Variants in DAGLB observed in about 807,000 individuals in gnomAD.
The protein encoded by DAGLB is diacylglycerol lipase-beta.
Under a neutral mutation model 72.1 loss-of-function variants are expected in DAGLB, and 66 were observed. The ratio of observed to expected loss-of-function variants is 0.92; its 90% CI spans 0.75 to 1.12. DAGLB has a LOEUF of 1.12. Among genes scored for constraint, DAGLB ranks in the 50% most tolerant of loss-of-function variants. The probability of loss-of-function intolerance (pLI) is 0.00; values close to 1 mark genes in which losing one functional copy is unlikely to be tolerated. For synonymous variants in DAGLB, 414 were observed against 359.5 expected (o/e 1.15, Z -1.71); for missense variants, 1,065 against 884.9 (o/e 1.20, Z -2.58).
chr7:6,433,685 C>T (rs1784562984), intron 4 of DAGLB, among the ~76,000 whole-genome samples: 1 of 152,012 alleles, frequency 6.6e-6, no homozygotes, highest in East Asian at 1.9e-4. Flanking sequence ...ACTATAAATA[C>T]AAAAATTAGC....
intron 8 of DAGLB, 33 bp downstream of exon 8, chr7:6,424,719 T>A (rs1784247906): frequency 6.2e-7 from 1 of 1,609,976 alleles, no homozygotes; most frequent in Non-Finnish European, 8.5e-7. Context: ...CCGCACCCAC[T>A]CCCAGGGCTG....
At chr7:6,414,256 G>A (rs1272620793) in intron 11 of DAGLB, among the ~76,000 whole-genome samples, 2 of 151,316 alleles carry the variant, frequency 1.3e-5, no homozygotes, top group Non-Finnish European at 2.9e-5. Flanking sequence ...ATGATCTGCC[G>A]GCCTTGGCCT....
intron 4 of DAGLB, among the ~76,000 whole-genome samples, chr7:6,433,589 C>T (rs1480884687): frequency 1.3e-5 from 2 of 152,190 alleles, no homozygotes; most frequent in Non-Finnish European, 2.9e-5. Context: ...CCTGTAATCC[C>T]AGCACTTTGG....
At position 6,409,894 on chromosome 7, in the gene DAGLB, G is replaced by T. The variant is rs779069551; in HGVS notation, c.1962C>A (p.Asp654Glu). 3.1e-6 allele frequency: 5 copies of T among 1,614,102 alleles called. No individual in the cohort carries two copies. Among genetic ancestry groups the T allele is most frequent in the Non-Finnish European group, 4.2e-6 (5 of 1,180,034 alleles). The change falls in exon 15 of 15, where the codon GAC becomes GAA. Residue 654 changes from aspartate to glutamate, a missense_variant. Coordinates refer to ENST00000297056, the MANE Select transcript of DAGLB (RefSeq NM_139179.4). Reference sequence around the variant, plus strand: ...CTGGACAGGAGACGCAGGCCGCTCTGTCGGAGACCACGCTGTCCAAGGCCC... The same window carrying T: ...CTGGACAGGAGACGCAGGCCGCTCTTTCGGAGACCACGCTGTCCAAGGCCC... ...LMRALDSVVS[D>E]RAACVSCPAQ...
intron 9 of DAGLB, 143 bp downstream of exon 9, chr7:6,421,584 G>A: frequency 2.8e-6 from 1 of 354,440 alleles, no homozygotes; most frequent in Non-Finnish European, 5.3e-6. Flanking sequence ...GGCGCAGGCA[G>A]CGCGGGAGGC....
At chr7:6,418,361 T>A (rs1330887278) in intron 9 of DAGLB, among the ~76,000 whole-genome samples, 5 of 151,912 alleles carry the variant, frequency 3.3e-5, no homozygotes, top group Non-Finnish European at 7.4e-5. Flanking sequence ...ACAGTGAGAC[T>A]CTTTCTGAAA....
intron 1 of DAGLB, among the ~76,000 whole-genome samples, chr7:6,447,365 A>T (rs934100446): frequency 2.0e-5 from 3 of 152,200 alleles, no homozygotes; most frequent in African/African-American, 2.4e-5. Context: ...GGAAGGGCAC[A>T]AGTGGCTGCT....
At chr7:6,414,150 AC>A (rs1254644291) in intron 11 of DAGLB, among the ~76,000 whole-genome samples, 1 of 151,836 alleles carries the variant, frequency 6.6e-6, no homozygotes, top group African/African-American at 2.4e-5. Context: ...AGCTGGGACT[AC>A]AGGCGCCCAC....
chr7:6,413,696 T>A (rs908674106), intron 11 of DAGLB, among the ~76,000 whole-genome samples: 13 of 150,986 alleles, frequency 8.6e-5, no homozygotes, highest in African/African-American at 3.2e-4. Context: ...GGCGATTCAC[T>A]GCGGCAGAAC....
chr7:6,427,205 G>T lies in DAGLB; in HGVS notation c.930-1091C>A, dbSNP rs375306024. On this transcript the variant is annotated intron_variant, in intron 6 of 14. Transcript: ENST00000297056. ...GTACTTAGCAGATGCCCTTTTTGTA[G>T]TGGAACTGGGTATAGCAATTCTGAA... 3.9e-5 allele frequency among the ~76,000 whole-genome samples: 6 copies of T among 152,304 alleles called. No homozygotes were observed. The East Asian group carries it at 1.2e-3, about 29-fold the overall frequency.
At chr7:6,429,943 C>T (rs930723610) in intron 6 of DAGLB, among the ~76,000 whole-genome samples, 7 of 151,916 alleles carry the variant, frequency 4.6e-5, no homozygotes, top group African/African-American at 1.7e-4. Context: ...ACTCGGGAGG[C>T]TGAGGCAGGA....
chr7:6,426,827 G>A (rs1413293508), intron 6 of DAGLB, among the ~76,000 whole-genome samples: 1 of 152,282 alleles, frequency 6.6e-6, no homozygotes, highest in East Asian at 1.9e-4. Context: ...AACAAAAAGA[G>A]GCCGGGCGTG....
At chr7:6,417,062 T>A in intron 9 of DAGLB, 141 bp from the exon 10 acceptor site, 1 of 941,206 alleles carries the variant, frequency 1.1e-6, no homozygotes, top group Non-Finnish European at 1.6e-6. Context: ...GCCACGTCCA[T>A]CGTGCATGGC....
At chr7:6,432,579 G>C (rs1401550471) in intron 5 of DAGLB, among the ~76,000 whole-genome samples, 1 of 150,658 alleles carries the variant, frequency 6.6e-6, no homozygotes, top group African/African-American at 2.4e-5. Flanking sequence ...AGAATGGTGT[G>C]AACCTGGGAG....
chr7:6,411,978 C>CA (rs57637584), intron 13 of DAGLB, among the ~76,000 whole-genome samples: 1 of 151,992 alleles, frequency 6.6e-6, no homozygotes, highest in Non-Finnish European at 1.5e-5. Context: ...GGCTGGAGTG[C>CA]GATCTTGGCT....
chr7:6,431,292 C>T (rs1050984383), intron 5 of DAGLB, among the ~76,000 whole-genome samples: 2 of 152,070 alleles, frequency 1.3e-5, no homozygotes, highest in African/African-American at 2.4e-5. Context: ...GTGCAATTTT[C>T]TTTCTCAAAA....
At position 6,431,531 on chromosome 7, in the gene DAGLB, G is replaced by C. The variant is rs836530; in HGVS notation, c.802-924C>G. Among the ~76,000 whole-genome samples the C allele has an allele frequency of 4.0e-3, 611 of 152,274 alleles. 3 individuals carry two copies. Among genetic ancestry groups the C allele is most frequent in the Middle Eastern group, 0.02 (6 of 294 alleles). On this transcript the variant is annotated intron_variant, in intron 5 of 14. Coordinates refer to ENST00000297056, the MANE Select transcript of DAGLB (RefSeq NM_139179.4). ...TCACGCCTGTAATCCCAGCACTTTGGGGGGCCAAGGCCGGCAAATCACTTG... is the reference window on the plus strand; with the variant it reads ...TCACGCCTGTAATCCCAGCACTTTGCGGGGCCAAGGCCGGCAAATCACTTG...
At chr7:6,423,967 G>A (rs1784219053) in intron 8 of DAGLB, among the ~76,000 whole-genome samples, 1 of 152,078 alleles carries the variant, frequency 6.6e-6, no homozygotes, top group Non-Finnish European at 1.5e-5. Flanking sequence ...TGGCTTCTCT[G>A]GTGCCTCCCG....
intron 13 of DAGLB, 59 bp from the exon 14 acceptor site, chr7:6,410,439 C>A: frequency 6.5e-7 from 1 of 1,540,484 alleles, no homozygotes; most frequent in Non-Finnish European, 8.8e-7. Context: ...CCCGAGACCT[C>A]CCGAAACACC....
Sources: allele counts gnomAD v4.1 joint callset (sites outside exome capture counted in the v4.1 genomes callset), GRCh38; gene constraint gnomAD v4.1.1; transcripts MANE v1.5; gene names NCBI Gene and HGNC (gene_info 2026-07-23, HGNC 2026-07-21).